PDCD11: variants seen among roughly 807,000 people sequenced by gnomAD.
The protein encoded by PDCD11 is protein RRP5 homolog.
PDCD11 carries 97 observed loss-of-function variants against 198.9 expected under a neutral mutation model. That is an observed-to-expected ratio of 0.49 (90% CI 0.41 to 0.58). The LOEUF is 0.58. Among genes scored for constraint, PDCD11 ranks in the 20% least tolerant of loss-of-function variants. PDCD11 has a pLI of 0.00. For missense variants in PDCD11, 2,102 were observed against 2,312.7 expected (o/e 0.91, Z 1.87); for synonymous variants, 893 against 918.0 (o/e 0.97, Z 0.49).
chr10:103,416,752 C>A lies in PDCD11; in HGVS notation c.1770+10C>A. 6.2e-7 allele frequency: 1 copy of A among 1,611,094 alleles called. No homozygotes were observed. The highest frequency in any genetic ancestry group is 2.2e-5 in the East Asian group (1 of 44,822). On this transcript the variant is annotated intron_variant, in intron 13 of 35. Transcript: ENST00000369797. ...TTTTTACACTGGCCAGGTAACCCTTCCCCTAGACAGGTCCCCTTTACCCTT... is the reference window on the plus strand; with the variant it reads ...TTTTTACACTGGCCAGGTAACCCTTACCCTAGACAGGTCCCCTTTACCCTT...
chr10:103,423,104 C>G lies in PDCD11; in HGVS notation c.2614C>G (p.Leu872Val), dbSNP rs150379700. The G allele has an allele frequency of 6.3e-7, 1 of 1,596,168 alleles. No homozygotes were observed. Among genetic ancestry groups the G allele is most frequent in the Non-Finnish European group, 8.5e-7 (1 of 1,171,742 alleles). ...VVFSGGPVPD[L>V]VLKASRYHRA... The stretch of plus-strand genomic sequence containing the variant: ...ATTCAGTGGGGGTCCAGTGCCCGAC[C>G]TGGTCCTGAAAGCCAGCAGATACCA... The change falls in exon 18 of 36, where the codon CTG becomes GTG. Residue 872 changes from leucine to valine, a missense_variant. Physicochemically the swap from Leu to Val is conservative, Grantham distance 32. Coordinates refer to ENST00000369797, the MANE Select transcript of PDCD11 (RefSeq NM_014976.2).
chr10:103,423,057 T>C lies in PDCD11; in HGVS notation c.2567T>C (p.Val856Ala), dbSNP rs2031528604. The change falls in exon 18 of 36, where the codon GTG (valine) becomes GCG (alanine). Residue 856 changes from valine (V) to alanine (A), a missense_variant. Coordinates refer to ENST00000369797, the MANE Select transcript of PDCD11 (RefSeq NM_014976.2). The stretch of plus-strand genomic sequence containing the variant: ...TTCCTTGACCTAGTGGTGCAGGAGG[T>C]GTTGGAAGATGGCTCTGTGGTATTC... ...GMFLDLVVQE[V>A]LEDGSVVFSG... 6.2e-7 allele frequency: 1 copy of C among 1,604,468 alleles called. No individual in the cohort carries two copies. The highest frequency in any genetic ancestry group is 8.5e-7 in the Non-Finnish European group (1 of 1,175,060).
chr10:103,415,120 A>C lies in PDCD11; in HGVS notation c.1487A>C (p.Lys496Thr). The C allele has an allele frequency of 6.2e-7, 1 of 1,614,152 alleles. No individual in the cohort carries two copies. Among genetic ancestry groups the C allele is most frequent in the Non-Finnish European group, 8.5e-7 (1 of 1,180,030 alleles). The change falls in exon 12 of 36, where the codon AAG (lysine) becomes ACG (threonine). Residue 496 changes from lysine (K) to threonine (T), a missense_variant. Coordinates refer to ENST00000369797, the MANE Select transcript of PDCD11 (RefSeq NM_014976.2). ...ATCCTGATGAAGAATCCGGAGAAGA[A>C]GTACCACATCGGGGATGAGGTCAAG... The part of the protein sequence containing the change: ...ADILMKNPEK[K>T]YHIGDEVKCR...
rs775804677 is a variant in PDCD11, at chr10:103,441,969, AGCCACGGTGCT to A, written c.4703_4707+6del. On this transcript the variant is annotated splice_donor_variant and splice_donor_5th_base_variant and coding_sequence_variant and intron_variant, in exon 31 of 36. Transcript: ENST00000369797. LOFTEE classifies it high-confidence loss of function. ...GCGAGGAGGATGAGAAGCCACACCA[AGCCACGGTGCT>A]GTATTTTGCAGGGCATGTCCTTTTT... is the stretch of plus-strand genomic sequence containing the variant. 1.2e-6 allele frequency: 2 copies of A among 1,614,196 alleles called. No individual in the cohort carries two copies. Among genetic ancestry groups the A allele is most frequent in the Non-Finnish European group, 1.7e-6 (2 of 1,180,026 alleles).
rs564111321 is a variant in PDCD11, at chr10:103,437,774, C to T, written c.3846-241C>T. 5.3e-5 allele frequency among the ~76,000 whole-genome samples: 8 copies of T among 152,312 alleles called. No homozygotes were observed. In the South Asian group the frequency reaches 1.7e-3, roughly 32 times the overall value. On this transcript the variant is annotated intron_variant, in intron 25 of 35. Transcript: ENST00000369797. ...AAGTGCTGGGATTACAGGCGTGAGCCACCGTGCCCAGCCCGGTAGTGTTAT... is the reference window on the plus strand; with the variant it reads ...AAGTGCTGGGATTACAGGCGTGAGCTACCGTGCCCAGCCCGGTAGTGTTAT...
At chr10:103,425,563 A>T (rs1564770126) in intron 20 of PDCD11, 38 bp downstream of exon 20, 5 of 1,566,290 alleles carry the variant, frequency 3.2e-6, no homozygotes, top group Non-Finnish European at 4.4e-6. Context: ...TTCGAGGGAG[A>T]TTGTTGTTGT....
At chr10:103,422,355 A>G (rs542170051) in intron 17 of PDCD11, among the ~76,000 whole-genome samples, 21 of 151,928 alleles carry the variant, frequency 1.4e-4, no homozygotes, top group African/African-American at 4.6e-4. Context: ...TGCTGGGATT[A>G]CAGGCGTGAG....
At chr10:103,438,871 G>C in intron 27 of PDCD11, 63 bp downstream of exon 27, 1 of 1,568,348 alleles carries the variant, frequency 6.4e-7, no homozygotes, top group South Asian at 1.1e-5. Flanking sequence ...TTGCTCTGGG[G>C]TCCACTGTGT....
In PDCD11 at chr10:103,441,715, G is replaced by A. The variant is rs562116858; in HGVS notation, c.4558-111G>A. On this transcript the variant is annotated intron_variant, in intron 30 of 35. Coordinates refer to ENST00000369797, the MANE Select transcript of PDCD11 (RefSeq NM_014976.2). The stretch of plus-strand genomic sequence containing the variant: ...GGCCTAGGAGGAGAGGAGAGGAGAG[G>A]AGGGGTCTCTGGGCTTGGTAGGAGT... 380 of 946,972 alleles carry A rather than the reference G, an allele frequency of 4.0e-4. 4 individuals carry two copies. In the South Asian group the frequency reaches 5.7e-3, roughly 14 times the overall value. The allele number at this position is 946,972 out of a possible 1,614,324, so 58.7% of individuals were successfully genotyped here.
At position 103,440,600 on chromosome 10, in the gene PDCD11, C is replaced by T. The variant is rs1465680532; in HGVS notation, c.4440+19C>T. ...TGAGCAGGTGAGGTCCTGCGGAGGG[C>T]TGTGGCTGCCTATCCTCCTCCTGGA... On this transcript the variant is annotated intron_variant, in intron 29 of 35. Transcript: ENST00000369797. 1.9e-6 allele frequency: 3 copies of T among 1,608,250 alleles called. No individual in the cohort carries two copies. Among genetic ancestry groups the T allele is most frequent in the Admixed American group, 3.3e-5 (2 of 59,786 alleles).
Position 103,444,086 on chromosome 10 carries a change from G to T in PDCD11, c.5278+18G>T, listed in dbSNP as rs2032501082. ...CAAGGAGCGTGAGTGCTCATTCCCA[G>T]CTCCTGAGCCCATGAGCACTCCAGG... On this transcript the variant is annotated intron_variant, in intron 34 of 35. Coordinates refer to ENST00000369797, the MANE Select transcript of PDCD11 (RefSeq NM_014976.2). 1.2e-6 allele frequency: 2 copies of T among 1,606,200 alleles called. No homozygotes were observed. The highest frequency in any genetic ancestry group is 4.5e-5 in the East Asian group (2 of 44,794).
chr10:103,402,327 A>T (rs1189822421), intron 3 of PDCD11, among the ~76,000 whole-genome samples: 3 of 152,230 alleles, frequency 2.0e-5, no homozygotes, highest in Admixed American at 6.5e-5. Flanking sequence ...CTGTTGTATA[A>T]TCTAGACCTT....
intron 14 of PDCD11, 78 bp from the exon 15 acceptor site, chr10:103,418,362 C>T (rs2031233808): frequency 8.0e-7 from 1 of 1,250,100 alleles, no homozygotes; most frequent in Non-Finnish European, 1.1e-6. Flanking sequence ...TTTAATGCCT[C>T]CAAGCCCTGC....
At chr10:103,441,667 C>T (rs1208574635) in intron 30 of PDCD11, among the ~76,000 whole-genome samples, 159 bp from the exon 31 acceptor site, 2 of 152,118 alleles carry the variant, frequency 1.3e-5, no homozygotes, top group Non-Finnish European at 2.9e-5. Flanking sequence ...ATAAAGTTTC[C>T]CCAGTGGGCT....
At chr10:103,422,253 G>A (rs1010426568) in intron 17 of PDCD11, among the ~76,000 whole-genome samples, 3 of 151,414 alleles carry the variant, frequency 2.0e-5, no homozygotes, top group Non-Finnish European at 4.4e-5. Flanking sequence ...GCTAATTTTT[G>A]TATTTTTAGA....
In PDCD11 at chr10:103,406,808, T is replaced by C; in HGVS notation, c.870+18T>C. 3.2e-6 allele frequency: 5 copies of C among 1,552,406 alleles called. No homozygotes were observed. The highest frequency in any genetic ancestry group is 4.4e-6 in the Non-Finnish European group (5 of 1,146,002). ...TACAGAAGGTAAGCTGTTATGCTAC[T>C]ACTACTTTTTAAAATAAAAATAATT... On this transcript the variant is annotated intron_variant, in intron 7 of 35. Transcript: ENST00000369797.
chr10:103,442,103 G>A lies in PDCD11; in HGVS notation c.4708-110G>A, dbSNP rs749891004. 1.3e-5 allele frequency: 20 copies of A among 1,548,058 alleles called. No homozygotes were observed. The African/African-American group carries it at 1.4e-4, about 11-fold the overall frequency. ...GGGGCAGCGGCCAGTCCCAGGCCAG[G>A]GGGTATATATAGAGCCCTGGGCTGC... On this transcript the variant is annotated intron_variant, in intron 31 of 35. Transcript: ENST00000369797.
In PDCD11 at chr10:103,442,111, T is replaced by C. The variant is rs1458185588; in HGVS notation, c.4708-102T>C. ...GGCCAGTCCCAGGCCAGGGGGTATA[T>C]ATAGAGCCCTGGGCTGCCCAGCCAA... On this transcript the variant is annotated intron_variant, in intron 31 of 35. Coordinates refer to ENST00000369797, the MANE Select transcript of PDCD11 (RefSeq NM_014976.2). The C allele has an allele frequency of 2.6e-6, 4 of 1,551,034 alleles. No homozygotes were observed. In the Admixed American group the frequency reaches 7.0e-5, roughly 27 times the overall value.
At chr10:103,426,937 AAAT>A (rs1186049091) in intron 20 of PDCD11, among the ~76,000 whole-genome samples, 2 of 151,590 alleles carry the variant, frequency 1.3e-5, no homozygotes, top group Non-Finnish European at 1.5e-5. Flanking sequence ...ACAAAAAAAA[AAAT>A]AAATAAATAA....
Sources: gnomAD v4.1 joint callset for allele counts (sites outside exome capture counted in the v4.1 genomes callset) on GRCh38, gnomAD v4.1.1 for gene constraint, MANE v1.5 for transcripts, NCBI Gene and HGNC (gene_info 2026-07-23, HGNC 2026-07-21) for gene names.